Variants in NRXN3 observed in about 807,000 individuals in gnomAD.
NRXN3 encodes the protein neurexin 3, also known as neurexin III.
Under a neutral mutation model 137.6 loss-of-function variants are expected in NRXN3, and 32 were observed. The ratio of observed to expected loss-of-function variants is 0.23; its 90% CI spans 0.18 to 0.31. The LOEUF is 0.31. Among genes scored for constraint, NRXN3 ranks in the 10% least tolerant of loss-of-function variants. NRXN3 has a pLI of 1.00. For synonymous variants in NRXN3, 798 were observed against 784.5 expected (o/e 1.02, Z -0.29); for missense variants, 1,574 against 2,062.5 (o/e 0.76, Z 4.59).
intron 4 of NRXN3, among the ~76,000 whole-genome samples, chr14:78,607,388 T>A (rs1413445399): frequency 6.6e-6 from 1 of 152,170 alleles, no homozygotes; most frequent in East Asian, 1.9e-4. Flanking sequence ...GTGTAAGAAC[T>A]CAGGCAGGAC....
At chr14:78,489,838 G>C (rs894272276) in intron 4 of NRXN3, among the ~76,000 whole-genome samples, 2 of 152,028 alleles carry the variant, frequency 1.3e-5, no homozygotes, top group African/African-American at 4.8e-5. Context: ...CCAAGATGAG[G>C]CATGGTGGTG....
rs199592742 is a variant in NRXN3, at chr14:78,294,555, CAAAA to C, written c.728-3255_728-3252del. Among the ~76,000 whole-genome samples, 224 of 106,410 alleles carry C rather than the reference CAAAA, an allele frequency of 2.1e-3. 1 individual carries two copies. The highest frequency in any genetic ancestry group is 0.015 in the South Asian group (49 of 3,338). 69.8% of individuals were successfully genotyped at this position (106,410 alleles called of 152,430 possible). A position where few individuals can be genotyped will look rare whatever the true frequency, so the allele number is the denominator to read the frequency against. ...TGGGCAACAGAGTGAGATTCCGTCT[CAAAA>C]AAAAAAAAAAAAAAAAAAAAGAAAA... On this transcript the variant is annotated intron_variant, in intron 3 of 20. Coordinates refer to ENST00000335750, the MANE Select transcript of NRXN3 (RefSeq NM_001330195.2).
intron 10 of NRXN3, among the ~76,000 whole-genome samples, chr14:78,934,281 G>A (rs987386483): frequency 1.3e-5 from 2 of 151,914 alleles, no homozygotes; most frequent in Non-Finnish European, 2.9e-5. Context: ...TTCTTTAAAG[G>A]CCATGAGGTA....
chr14:78,197,760 G>A (rs1268043072), intron 1 of NRXN3, among the ~76,000 whole-genome samples: 1 of 152,140 alleles, frequency 6.6e-6, no homozygotes, highest in Non-Finnish European at 1.5e-5. Context: ...CATTACTGGG[G>A]TCATTTTCTT....
rs377144359 is a variant in NRXN3 at position 79,425,998 on chromosome 14, GGA to G, written c.3263-41202_3263-41201del. The stretch of plus-strand genomic sequence containing the variant: ...AGGGGATGAGAGTCTGGAGAGAAGG[GGA>G]GAGAGAGAGAGAGAGAGAGAAATAG... On this transcript the variant is annotated intron_variant, in intron 15 of 20. Coordinates refer to ENST00000335750, the MANE Select transcript of NRXN3 (RefSeq NM_001330195.2). Among the ~76,000 whole-genome samples the G allele has an allele frequency of 7.6e-4, 114 of 149,220 alleles. 1 individual carries two copies. Among genetic ancestry groups the G allele is most frequent in the Middle Eastern group, 3.5e-3 (1 of 286 alleles).
intron 15 of NRXN3, among the ~76,000 whole-genome samples, chr14:79,414,384 A>G (rs2095466773): frequency 6.6e-6 from 1 of 151,930 alleles, no homozygotes. Context: ...GTTTCCTTAG[A>G]ATTTTGTTTT....
chr14:79,791,728 G>A (rs1029631178), intron 19 of NRXN3, among the ~76,000 whole-genome samples: 1 of 151,986 alleles, frequency 6.6e-6, no homozygotes, highest in Non-Finnish European at 1.5e-5. Flanking sequence ...AGGGAAAGCA[G>A]TCAGACCAGC....
intron 10 of NRXN3, among the ~76,000 whole-genome samples, chr14:78,922,677 A>C (rs1292708533): frequency 6.6e-6 from 1 of 152,170 alleles, no homozygotes; most frequent in East Asian, 1.9e-4. Flanking sequence ...GGAGGGGAAC[A>C]TCACATACAC....
At position 78,271,546 on chromosome 14, in the gene NRXN3, C is replaced by G. The variant is rs117812541; in HGVS notation, c.710-7099C>G. 1.1e-3 allele frequency among the ~76,000 whole-genome samples: 168 copies of G among 152,040 alleles called. 3 individuals carry two copies. The East Asian group carries it at 0.027, about 25-fold the overall frequency. On this transcript the variant is annotated intron_variant, in intron 2 of 20. Coordinates refer to ENST00000335750, the MANE Select transcript of NRXN3 (RefSeq NM_001330195.2). ...TATATCTGTAACAACCAGATTGCCT[C>G]TTCTCGCAACTGTCAAACCCTGTTT...
chr14:78,850,075 C>T (rs147154711), intron 10 of NRXN3, among the ~76,000 whole-genome samples: 7 of 152,122 alleles, frequency 4.6e-5, no homozygotes, highest in South Asian at 2.1e-4. Context: ...AAACAATGCA[C>T]GGCAGGTTAT....
intron 4 of NRXN3, among the ~76,000 whole-genome samples, chr14:78,306,309 G>A (rs187534560): frequency 1.3e-5 from 2 of 152,260 alleles, no homozygotes; most frequent in Admixed American, 6.5e-5. Flanking sequence ...TCTAAGGTAT[G>A]AATAATGATC....
intron 20 of NRXN3, among the ~76,000 whole-genome samples, chr14:79,850,940 C>G (rs2099390170): frequency 6.6e-6 from 1 of 152,194 alleles, no homozygotes; most frequent in Admixed American, 6.5e-5. Flanking sequence ...TTAAAAAATA[C>G]ACATATGATT....
chr14:79,794,178 C>A (rs2099153997), intron 19 of NRXN3, among the ~76,000 whole-genome samples: 1 of 152,136 alleles, frequency 6.6e-6, no homozygotes, highest in South Asian at 2.1e-4. Flanking sequence ...GCCTAGCCAA[C>A]ATGGTGAAAC....
chr14:79,591,149 G>T (rs1371606550), intron 16 of NRXN3, among the ~76,000 whole-genome samples: 1 of 152,200 alleles, frequency 6.6e-6, no homozygotes, highest in African/African-American at 2.4e-5. Context: ...AATGGCAATG[G>T]CTTTGGGCAA....
chr14:79,774,189 T>C (rs780639940), intron 19 of NRXN3, among the ~76,000 whole-genome samples: 2 of 152,210 alleles, frequency 1.3e-5, no homozygotes, highest in Non-Finnish European at 2.9e-5. Context: ...GTTTATATGT[T>C]GATCACTGTG....
intron 15 of NRXN3, among the ~76,000 whole-genome samples, chr14:79,165,743 T>C (rs1353028352): frequency 6.6e-6 from 1 of 152,018 alleles, no homozygotes; most frequent in Non-Finnish European, 1.5e-5. Flanking sequence ...GGAACTATAA[T>C]GTCAGGTTTC....
chr14:78,830,736 AT>A (rs905029468), intron 10 of NRXN3, among the ~76,000 whole-genome samples: 1 of 151,664 alleles, frequency 6.6e-6, no homozygotes, highest in African/African-American at 2.4e-5. Flanking sequence ...TCCTTTAAGC[AT>A]TTTGAATCTC....
intron 2 of NRXN3, among the ~76,000 whole-genome samples, chr14:78,270,251 A>G (rs1205514596): frequency 6.6e-6 from 1 of 152,144 alleles, no homozygotes; most frequent in Non-Finnish European, 1.5e-5. Context: ...ATAGGAATTG[A>G]CAGATTTCTC....
chr14:79,762,901 G>A (rs2099043542), intron 19 of NRXN3, among the ~76,000 whole-genome samples: 1 of 151,420 alleles, frequency 6.6e-6, no homozygotes. Flanking sequence ...TAAGTCCTGG[G>A]GGACATGTGC....
Sources: allele counts gnomAD v4.1 joint callset (sites outside exome capture counted in the v4.1 genomes callset), GRCh38; gene constraint gnomAD v4.1.1; transcripts MANE v1.5; gene names NCBI Gene and HGNC (gene_info 2026-07-23, HGNC 2026-07-21).